Variants in NDST3 observed in about 807,000 individuals in gnomAD.
The protein encoded by NDST3 is bifunctional heparan sulfate N-deacetylase/N-sulfotransferase 3.
NDST3 carries 58 observed loss-of-function variants against 96.1 expected under a neutral mutation model. The ratio of observed to expected loss-of-function variants is 0.60; its 90% CI spans 0.49 to 0.75. The LOEUF (loss-of-function observed/expected upper bound fraction) is 0.75, where lower values mean the gene tolerates loss of function less well. NDST3 is among the 30% of genes least tolerant of loss of function. The pLI, the probability that NDST3 is intolerant of heterozygous loss-of-function variation, is 0.00. For missense variants in NDST3, 788 were observed against 1,034.2 expected, an observed-to-expected ratio of 0.76 and a Z score of 3.27; for synonymous variants, 333 against 359.7, an observed-to-expected ratio of 0.93 and a Z score of 0.84.
chr4:118,160,469 GA>G (rs373117185), intron 6 of NDST3, among the ~76,000 whole-genome samples: 22,735 of 135,616 alleles, frequency 0.17, 1,829 homozygotes, highest in South Asian at 0.25. Context: ...AAATTTACAA[GA>G]AAAAAAAAAA....
At chr4:118,241,188 CTG>C (rs200768666) in intron 11 of NDST3, among the ~76,000 whole-genome samples, 6,097 of 152,254 alleles carry the variant, frequency 0.04, 176 homozygotes, top group Non-Finnish European at 0.056. Context: ...TGGTATATAC[CTG>C]TGAGTCTAGA....
intron 6 of NDST3, among the ~76,000 whole-genome samples, chr4:118,148,397 A>G (rs1448195407): frequency 2.0e-5 from 3 of 152,162 alleles, no homozygotes; most frequent in African/African-American, 7.2e-5. Context: ...ACCATTAACC[A>G]TCCCACAGAA....
At chr4:118,214,013 G>C (rs2125988287) in intron 6 of NDST3, among the ~76,000 whole-genome samples, 1 of 152,202 alleles carries the variant, frequency 6.6e-6, no homozygotes, top group Non-Finnish European at 1.5e-5. Flanking sequence ...TCACAGTTTA[G>C]CAAGAGGAAC....
intron 6 of NDST3, among the ~76,000 whole-genome samples, chr4:118,169,266 A>C (rs1049869295): frequency 6.6e-6 from 1 of 152,194 alleles, no homozygotes; most frequent in Non-Finnish European, 1.5e-5. Flanking sequence ...AAAGGACAAT[A>C]TAGTGTTTTT....
intron 8 of NDST3, among the ~76,000 whole-genome samples, chr4:118,230,503 G>A (rs1204405786): frequency 1.3e-5 from 2 of 151,792 alleles, no homozygotes; most frequent in Non-Finnish European, 2.9e-5. Context: ...TGAACCCGGC[G>A]GGCGGAGCTT....
chr4:118,214,113 GC>G (rs1380538811), intron 6 of NDST3, among the ~76,000 whole-genome samples: 1 of 152,134 alleles, frequency 6.6e-6, no homozygotes, highest in Non-Finnish European at 1.5e-5. Context: ...AACTGGAAAA[GC>G]AATGGTAGGT....
intron 6 of NDST3, among the ~76,000 whole-genome samples, chr4:118,155,472 T>G (rs1373834388): frequency 2.0e-5 from 3 of 152,208 alleles, no homozygotes; most frequent in Non-Finnish European, 4.4e-5. Context: ...ACTGCCAGGA[T>G]AGGCCCTGGC....
intron 6 of NDST3, among the ~76,000 whole-genome samples, chr4:118,198,857 T>C (rs10016206): frequency 0.17 from 25,756 of 152,154 alleles, 2,331 homozygotes; most frequent in South Asian, 0.23. Flanking sequence ...TCTCTTCCCT[T>C]CAGCACTTTA....
rs531188474 is a variant in NDST3, at chr4:118,160,248, G to A, written c.1539+16564G>A. Among the ~76,000 whole-genome samples the A allele has an allele frequency of 3.9e-5, 6 of 152,114 alleles. No homozygotes were observed. The South Asian group carries it at 1.2e-3, about 32-fold the overall frequency. ...AACCTTTCAGGACAAAATGGAGAAGGGAGATATATTCAAAATGCTGAAAGA... is the reference window on the plus strand; with the variant it reads ...AACCTTTCAGGACAAAATGGAGAAGAGAGATATATTCAAAATGCTGAAAGA... On this transcript the variant is annotated intron_variant, in intron 6 of 13. Transcript: ENST00000296499.
intron 6 of NDST3, among the ~76,000 whole-genome samples, chr4:118,185,454 T>C (rs34548920): frequency 0.51 from 76,569 of 149,334 alleles, 23,718 homozygotes; most frequent in East Asian, 0.74. Flanking sequence ...ATGTATATTA[T>C]ACATTTATTA....
chr4:118,069,747 C>T (rs190639446), intron 2 of NDST3, among the ~76,000 whole-genome samples: 2 of 151,676 alleles, frequency 1.3e-5, no homozygotes, highest in East Asian at 3.9e-4. Context: ...GTTTATTGTC[C>T]ATTTGTATTC....
chr4:118,068,822 T>C (rs1048037041), intron 2 of NDST3, among the ~76,000 whole-genome samples: 2 of 152,070 alleles, frequency 1.3e-5, no homozygotes, highest in African/African-American at 4.8e-5. Context: ...AGCAAATATA[T>C]AATGGAAAGA....
At chr4:118,188,823 T>A (rs2125962138) in intron 6 of NDST3, among the ~76,000 whole-genome samples, 1 of 152,166 alleles carries the variant, frequency 6.6e-6, no homozygotes, top group African/African-American at 2.4e-5. Flanking sequence ...ACCCTAAGAT[T>A]CTATGTGCTT....
intron 2 of NDST3, among the ~76,000 whole-genome samples, chr4:118,103,068 G>T (rs1729891019): frequency 6.6e-6 from 1 of 151,996 alleles, no homozygotes; most frequent in Non-Finnish European, 1.5e-5. Flanking sequence ...AAGAAGACAG[G>T]TTTCTTATAT....
intron 1 of NDST3, among the ~76,000 whole-genome samples, chr4:118,048,524 T>C (rs1217873899): frequency 6.6e-6 from 1 of 152,080 alleles, no homozygotes; most frequent in Non-Finnish European, 1.5e-5. Flanking sequence ...AGTAAAAGGA[T>C]GGAGAAAGAT....
intron 6 of NDST3, among the ~76,000 whole-genome samples, chr4:118,182,381 T>C (rs569179840): frequency 6.6e-6 from 1 of 152,302 alleles, no homozygotes; most frequent in African/African-American, 2.4e-5. Flanking sequence ...GAAAGTTCAA[T>C]TCCAGAGACT....
rs2125987185 is a variant in NDST3 at position 118,212,429 on chromosome 4, A to G, written c.1540-12062A>G. On this transcript the variant is annotated intron_variant, in intron 6 of 13. Coordinates refer to ENST00000296499, the MANE Select transcript of NDST3 (RefSeq NM_004784.3). ...GCTGTATGCACCTGTGGTCCCAGCT[A>G]CTGGTGAGGCTAAGATGGATTGGTA... is the stretch of plus-strand genomic sequence containing the variant. 1.3e-5 allele frequency among the ~76,000 whole-genome samples: 2 copies of G among 152,254 alleles called. 1 individual carries two copies. The highest frequency in any genetic ancestry group is 4.1e-4 in the South Asian group (2 of 4,824).
chr4:118,103,325 A>G (rs1295932269), intron 2 of NDST3, among the ~76,000 whole-genome samples: 1 of 152,170 alleles, frequency 6.6e-6, no homozygotes, highest in Admixed American at 6.6e-5. Flanking sequence ...TGGAAAAAGA[A>G]GAAAGATATG....
chr4:118,037,885 C>A (rs147410019), intron 1 of NDST3, among the ~76,000 whole-genome samples: 4 of 152,150 alleles, frequency 2.6e-5, no homozygotes, highest in East Asian at 3.8e-4. Context: ...AGTAATAGAA[C>A]CTTCAACCTC....
Sources: gnomAD v4.1 joint callset for allele counts (sites outside exome capture counted in the v4.1 genomes callset) on GRCh38, gnomAD v4.1.1 for gene constraint, MANE v1.5 for transcripts, NCBI Gene and HGNC (gene_info 2026-07-23, HGNC 2026-07-21) for gene names.